The following PPARGC1A variants were observed in gnomAD, a reference collection of about 807,000 sequenced individuals.
The protein encoded by PPARGC1A is PPARG coactivator 1 alpha.
In PPARGC1A, 25 loss-of-function variants were observed where a neutral mutation model predicts 88.7. The ratio of observed to expected loss-of-function variants is 0.28; its 90% CI spans 0.21 to 0.39. PPARGC1A has a LOEUF of 0.39. Ranked by LOEUF, PPARGC1A falls within the 10% of genes least tolerant of loss-of-function variation. The probability of loss-of-function intolerance (pLI) is 1.00; values close to 1 mark genes in which losing one functional copy is unlikely to be tolerated. For missense variants in PPARGC1A, 880 were observed against 968.7 expected, an observed-to-expected ratio of 0.91 and a Z score of 1.22; for synonymous variants, 363 against 355.6, an observed-to-expected ratio of 1.02 and a Z score of -0.24.
the PPARGC1A span, among the ~76,000 whole-genome samples, chr4:24,193,332 C>G: frequency 8.5e-5 from 13 of 152,074 alleles, no homozygotes; most frequent in Admixed American, 1.3e-4. Context: ...TGGAGTGGTA[C>G]CTTTGCTTTG....
the PPARGC1A span, among the ~76,000 whole-genome samples, chr4:24,280,024 T>C: frequency 6.6e-6 from 1 of 152,138 alleles, no homozygotes; most frequent in African/African-American, 2.4e-5. Flanking sequence ...CCGCTCTTTC[T>C]CGCCAACAAT....
At chr4:24,275,826 A>G in the PPARGC1A span, among the ~76,000 whole-genome samples, 1 of 152,214 alleles carries the variant, frequency 6.6e-6, no homozygotes, top group Admixed American at 6.5e-5. Flanking sequence ...TGCACTGCCA[A>G]TACAAATGCA....
At chr4:24,423,291 C>A in the PPARGC1A span, among the ~76,000 whole-genome samples, 1 of 152,144 alleles carries the variant, frequency 6.6e-6, no homozygotes, top group Non-Finnish European at 1.5e-5. Context: ...CAAATTAAGA[C>A]CCATGTTTGA....
the PPARGC1A span, among the ~76,000 whole-genome samples, chr4:24,032,077 T>C: frequency 2.0e-4 from 30 of 152,300 alleles, no homozygotes; most frequent in Admixed American, 3.3e-4. Context: ...AAAACTAGCA[T>C]TGATTTAGCA....
chr4:24,291,519 C>T, the PPARGC1A span, among the ~76,000 whole-genome samples: 1 of 152,184 alleles, frequency 6.6e-6, no homozygotes, highest in East Asian at 1.9e-4. Context: ...CTGCAGTACC[C>T]CATTTAATCT....
intron 2 of PPARGC1A, among the ~76,000 whole-genome samples, chr4:23,871,415 A>G (rs555783936): frequency 6.6e-6 from 1 of 152,242 alleles, no homozygotes; most frequent in Non-Finnish European, 1.5e-5. Flanking sequence ...AAGGAAAAGA[A>G]GTCACTTATC....
chr4:23,908,353 T>A (rs997486726), upstream of PPARGC1A, among the ~76,000 whole-genome samples: 3 of 152,196 alleles, frequency 2.0e-5, no homozygotes, highest in Admixed American at 2.0e-4. Context: ...TGAAGCTTTC[T>A]TTGAATATCT....
chr4:24,179,379 T>C, the PPARGC1A span, among the ~76,000 whole-genome samples: 2 of 152,184 alleles, frequency 1.3e-5, no homozygotes, highest in South Asian at 4.1e-4. Context: ...CTCTTTCCCC[T>C]TGCATCTGAC....
At chr4:23,827,455 T>C (rs1271411280) in intron 5 of PPARGC1A, among the ~76,000 whole-genome samples, 1 of 152,106 alleles carries the variant, frequency 6.6e-6, no homozygotes. Flanking sequence ...TATATGTTTA[T>C]AATTGGTGTG....
At chr4:24,461,610 CGT>C in the PPARGC1A span, among the ~76,000 whole-genome samples, 18,451 of 149,878 alleles carry the variant, frequency 0.12, 1,303 homozygotes, top group African/African-American at 0.21. Context: ...TCGTGTCTAT[CGT>C]GTGTGTGTGT....
At chr4:23,892,180 T>C (rs2148859613), upstream of PPARGC1A, among the ~76,000 whole-genome samples, 1 of 152,340 alleles carries the variant, frequency 6.6e-6, no homozygotes, top group African/African-American at 2.4e-5. Flanking sequence ...GCCCAGATTG[T>C]ATTGTTAGGG....
chr4:24,290,718 G>A, the PPARGC1A span, among the ~76,000 whole-genome samples: 1 of 151,918 alleles, frequency 6.6e-6, no homozygotes, highest in Non-Finnish European at 1.5e-5. Flanking sequence ...GTAGGCACTC[G>A]ATAACCTTGT....
the PPARGC1A span, among the ~76,000 whole-genome samples, chr4:24,440,700 G>A: frequency 1.3e-5 from 2 of 152,232 alleles, no homozygotes; most frequent in East Asian, 3.9e-4. Context: ...TACTCGGGAG[G>A]CTGAGGCAGG....
the PPARGC1A span, among the ~76,000 whole-genome samples, chr4:24,204,503 G>A: frequency 6.6e-6 from 1 of 151,600 alleles, no homozygotes; most frequent in Non-Finnish European, 1.5e-5. Flanking sequence ...AAAGGGAGGG[G>A]AAGAGAGGGG....
At chr4:24,260,900 G>T in the PPARGC1A span, among the ~76,000 whole-genome samples, 1 of 152,084 alleles carries the variant, frequency 6.6e-6, no homozygotes, top group East Asian at 1.9e-4. Context: ...GTTAGCCCTT[G>T]TAGCTAGAGG....
chr4:24,375,013 T>TAAAAAA, the PPARGC1A span, among the ~76,000 whole-genome samples: 10 of 127,436 alleles, frequency 7.8e-5, no homozygotes, highest in Middle Eastern at 4.2e-3. Context: ...CCCCCCACCC[T>TAAAAAA]AAAAAAAAAA....
chr4:24,219,762 G>A, the PPARGC1A span, among the ~76,000 whole-genome samples: 4 of 152,042 alleles, frequency 2.6e-5, no homozygotes, highest in Non-Finnish European at 5.9e-5. Context: ...GGTACCGGAG[G>A]CCATACAGAC....
Position 23,801,711 on chromosome 4 carries a change from C to T in PPARGC1A, c.2293+19G>A, listed in dbSNP as rs554677959. 24 of 1,613,336 alleles carry T rather than the reference C, an allele frequency of 1.5e-5. No homozygotes were observed. The highest frequency in any genetic ancestry group is 6.7e-5 in the Admixed American group (4 of 59,994). Reference sequence around the variant, plus strand: ...TCTACATTATGGATTCCTCATTCCACGTACAATAAAATCCATACCTAGGTC... The same window carrying T: ...TCTACATTATGGATTCCTCATTCCATGTACAATAAAATCCATACCTAGGTC... On this transcript the variant is annotated intron_variant, in intron 12 of 12. Transcript: ENST00000264867.
At chr4:24,185,712 CCT>C in the PPARGC1A span, among the ~76,000 whole-genome samples, 1 of 151,882 alleles carries the variant, frequency 6.6e-6, no homozygotes, top group Non-Finnish European at 1.5e-5. Context: ...TTAACTTTTT[CCT>C]CTCTTTTAAA....
Sources: gnomAD v4.1 joint callset for allele counts (sites outside exome capture counted in the v4.1 genomes callset) on GRCh38, gnomAD v4.1.1 for gene constraint, MANE v1.5 for transcripts, NCBI Gene and HGNC (gene_info 2026-07-23, HGNC 2026-07-21) for gene names.